ZNF346: variants seen among roughly 807,000 people sequenced by gnomAD.
The protein encoded by ZNF346 is zinc finger protein 346.
A neutral mutation model predicts 33.7 loss-of-function variants in ZNF346; 23 were observed. The observed-to-expected ratio is 0.68, with a 90% CI of 0.49 to 0.97. The LOEUF (loss-of-function observed/expected upper bound fraction) is 0.97, where lower values mean the gene tolerates loss of function less well. Among genes scored for constraint, ZNF346 ranks in the 50% least tolerant of loss-of-function variants. ZNF346 has a pLI of 0.00. For missense variants in ZNF346, 340 were observed against 371.1 expected (o/e 0.92, Z 0.69); for synonymous variants, 134 against 142.4 (o/e 0.94, Z 0.42).
chr5:177,048,856 G>A (rs890830340), intron 4 of ZNF346, among the ~76,000 whole-genome samples: 1 of 147,366 alleles, frequency 6.8e-6, no homozygotes, highest in Non-Finnish European at 1.5e-5. Context: ...CGCAATCTCA[G>A]CTTACTGCAG....
chr5:177,024,452 C>T (rs755970969), intron 1 of ZNF346, among the ~76,000 whole-genome samples: 25 of 152,114 alleles, frequency 1.6e-4, no homozygotes, highest in Non-Finnish European at 4.4e-5. Context: ...CCCGCCTTGA[C>T]CTCCCAAAGT....
At position 177,064,683 on chromosome 5, in the gene ZNF346, G is replaced by C; in HGVS notation, c.*84G>C. The C allele has an allele frequency of 8.8e-7, 1 of 1,130,272 alleles. No individual in the cohort carries two copies. Among genetic ancestry groups the C allele is most frequent in the South Asian group, 1.3e-5 (1 of 79,816 alleles). The allele number at this position is 1,130,272 out of a possible 1,614,324, so 70.0% of individuals were successfully genotyped here. ...CTCAGCCCTTGGCTCCCTCTTGCTC[G>C]TTGTTCTCACCAGGAAAGTACACGG... On this transcript the variant is annotated 3_prime_UTR_variant, in exon 7 of 7. Coordinates refer to ENST00000358149, the MANE Select transcript of ZNF346 (RefSeq NM_012279.4).
intron 4 of ZNF346, among the ~76,000 whole-genome samples, chr5:177,048,671 A>G (rs1382710125): frequency 6.6e-6 from 1 of 150,994 alleles, no homozygotes; most frequent in Non-Finnish European, 1.5e-5. Flanking sequence ...AACACACTCT[A>G]CTCTCTGTGC....
At chr5:177,076,711 A>G (rs1033436796) in intron 8 of ZNF346, among the ~76,000 whole-genome samples, 9 of 152,090 alleles carry the variant, frequency 5.9e-5, no homozygotes, top group African/African-American at 1.9e-4. Flanking sequence ...GACTATCTCA[A>G]TGGTCCTGAA....
In ZNF346 at chr5:177,041,115, C is replaced by T. The variant is rs1397018811; in HGVS notation, c.176-11C>T. On this transcript the variant is annotated splice_polypyrimidine_tract_variant and intron_variant, in intron 1 of 6. Coordinates refer to ENST00000358149, the MANE Select transcript of ZNF346 (RefSeq NM_012279.4). ...TGTCAACTCAATGATTTCTTGTTTT[C>T]CCCTCTATAGTGGAGCACATGATCC... 1.2e-6 allele frequency: 2 copies of T among 1,605,244 alleles called. No homozygotes were observed. Among genetic ancestry groups the T allele is most frequent in the Non-Finnish European group, 1.7e-6 (2 of 1,172,208 alleles).
intron 5 of ZNF346, among the ~76,000 whole-genome samples, chr5:177,052,095 G>A (rs1781008809): frequency 6.6e-6 from 1 of 152,030 alleles, no homozygotes; most frequent in Non-Finnish European, 1.5e-5. Context: ...AGCCCAGGAG[G>A]TCAAGGCTAA....
In ZNF346 at chr5:177,022,778, G is replaced by C; in HGVS notation, c.40G>C (p.Gly14Arg). 2 of 1,552,826 alleles carry C rather than the reference G, an allele frequency of 1.3e-6. No homozygotes were observed. The highest frequency in any genetic ancestry group is 1.7e-6 in the Non-Finnish European group (2 of 1,151,350). Reference sequence around the variant, plus strand: ...GCCGGCCACGGTGCAGGCCGCGGACGGCGGAGCGGCCGGGCCTTACAGCAG... The same window carrying C: ...GCCGGCCACGGTGCAGGCCGCGGACCGCGGAGCGGCCGGGCCTTACAGCAG... ...PAPATVQAADGGAAGPYSSSE... is the reference protein window; with the variant it reads ...PAPATVQAADRGAAGPYSSSE... The change falls in exon 1 of 7, where the codon GGC becomes CGC. Residue 14 changes from glycine (G) to arginine (R), a missense_variant. Physicochemically the swap from Gly to Arg is moderately radical, Grantham distance 125. Coordinates refer to ENST00000358149, the MANE Select transcript of ZNF346 (RefSeq NM_012279.4).
chr5:177,068,927 A>C (rs1254858479), downstream of ZNF346, among the ~76,000 whole-genome samples: 9 of 143,200 alleles, frequency 6.3e-5, no homozygotes, highest in Non-Finnish European at 1.2e-4. Context: ...CCTCACTTAC[A>C]TGTATACATT....
intron 1 of ZNF346, among the ~76,000 whole-genome samples, chr5:177,035,614 A>G (rs2149607099): frequency 7.0e-6 from 1 of 143,546 alleles, no homozygotes; most frequent in African/African-American, 2.6e-5. Context: ...GTGCCTTACC[A>G]TCACACCCGG....
chr5:177,071,971 GTTC>G (rs1783529041), downstream of ZNF346, among the ~76,000 whole-genome samples: 1 of 152,180 alleles, frequency 6.6e-6, no homozygotes, highest in African/African-American at 2.4e-5. Context: ...TCAGAACGCA[GTTC>G]TGTAAATGTT....
In ZNF346 at chr5:177,041,116, C is replaced by T. The variant is rs1411569480; in HGVS notation, c.176-10C>T. On this transcript the variant is annotated splice_polypyrimidine_tract_variant and intron_variant, in intron 1 of 6. Coordinates refer to ENST00000358149, the MANE Select transcript of ZNF346 (RefSeq NM_012279.4). ...GTCAACTCAATGATTTCTTGTTTTC[C>T]CCTCTATAGTGGAGCACATGATCCA... 1.9e-6 allele frequency: 3 copies of T among 1,605,694 alleles called. No individual in the cohort carries two copies. The highest frequency in any genetic ancestry group is 3.3e-5 in the Admixed American group (2 of 59,818).
At position 177,044,699 on chromosome 5, in the gene ZNF346, A is replaced by G. The variant is rs1213338568; in HGVS notation, c.517+166A>G. Among the ~76,000 whole-genome samples the G allele has an allele frequency of 4.6e-5, 7 of 152,164 alleles. No homozygotes were observed. In the East Asian group the frequency reaches 9.6e-4, roughly 21 times the overall value. ...GTAGACCCAGCTTCACTGAAATGCA[A>G]TCTCAGAATTATGCTCACCTAACCT... On this transcript the variant is annotated intron_variant, in intron 4 of 6. Coordinates refer to ENST00000358149, the MANE Select transcript of ZNF346 (RefSeq NM_012279.4).
Position 177,067,615 on chromosome 5 carries a change from C to G in ZNF346, c.*3016C>G, listed in dbSNP as rs1252910780. ...AGTCCCTACCAGCTGTGTGGCCAGC[C>G]CTGTTGGTAAAGGGACCTAGAGATG... On this transcript the variant is annotated 3_prime_UTR_variant, in exon 7 of 7. Coordinates refer to ENST00000358149, the MANE Select transcript of ZNF346 (RefSeq NM_012279.4). Among the ~76,000 whole-genome samples the G allele has an allele frequency of 6.6e-6, 1 of 152,170 alleles. No homozygotes were observed. Among genetic ancestry groups the G allele is most frequent in the African/African-American group, 2.4e-5 (1 of 41,430 alleles).
chr5:177,066,445 T>A lies in ZNF346; in HGVS notation c.*1846T>A, dbSNP rs1268086244. Among the ~76,000 whole-genome samples, 1 of 152,052 alleles carries A rather than the reference T, an allele frequency of 6.6e-6. No individual in the cohort carries two copies. The highest frequency in any genetic ancestry group is 1.5e-5 in the Non-Finnish European group (1 of 68,014). On this transcript the variant is annotated 3_prime_UTR_variant, in exon 7 of 7. Coordinates refer to ENST00000358149, the MANE Select transcript of ZNF346 (RefSeq NM_012279.4). ...CATGAATTTTTATTGAATGAACAAA[T>A]GAGGTGTATGAGGAGAGATGGTTTT...
chr5:177,041,244 T>A lies in ZNF346; in HGVS notation c.279+15T>A, dbSNP rs904496640. The A allele has an allele frequency of 6.2e-7, 1 of 1,601,344 alleles. No individual in the cohort carries two copies. On this transcript the variant is annotated intron_variant, in intron 2 of 6. Transcript: ENST00000358149. ...CACATTACCAGGTATGCCATCATAC[T>A]TTTAGAACTGCGTTTCTTTTCAGAC...
chr5:177,037,427 A>G (rs73804302), intron 1 of ZNF346, among the ~76,000 whole-genome samples: 40 of 152,278 alleles, frequency 2.6e-4, no homozygotes, highest in African/African-American at 8.4e-4. Flanking sequence ...CTCCACCTAT[A>G]TATCTGATAG....
chr5:177,032,918 A>G (rs1011189227), intron 1 of ZNF346, among the ~76,000 whole-genome samples: 1 of 152,328 alleles, frequency 6.6e-6, no homozygotes, highest in Admixed American at 6.5e-5. Context: ...ACAAAAACAC[A>G]GTATGGACTC....
Position 177,050,877 on chromosome 5 carries a change from A to C in ZNF346, c.644A>C (p.Lys215Thr). ...AAGAAACACAGAAAACAGGAGACCA[A>C]GCTCAAACTAATGGCACGCTATGGG... is the stretch of plus-strand genomic sequence containing the variant. ...VGKKHRKQET[K>T]LKLMARYGRL... Residue 215 changes from lysine (K) to threonine (T), a missense_variant, in exon 5 of 7, where the codon AAG becomes ACG. By Grantham distance (78) the Lys-to-Thr change is moderately conservative. Coordinates refer to ENST00000358149, the MANE Select transcript of ZNF346 (RefSeq NM_012279.4). 1 of 1,614,210 alleles carries C rather than the reference A, an allele frequency of 6.2e-7. No individual in the cohort carries two copies. The highest frequency in any genetic ancestry group is 8.5e-7 in the Non-Finnish European group (1 of 1,180,046).
chr5:177,048,784 TTTC>T (rs1780454462), intron 4 of ZNF346, among the ~76,000 whole-genome samples: 2 of 145,940 alleles, frequency 1.4e-5, no homozygotes, highest in African/African-American at 5.6e-5. Context: ...TTTCTTTTTT[TTTC>T]TTTTTTTTTT....
Sources: allele counts gnomAD v4.1 joint callset (sites outside exome capture counted in the v4.1 genomes callset), GRCh38; gene constraint gnomAD v4.1.1; transcripts MANE v1.5; gene names NCBI Gene and HGNC (gene_info 2026-07-23, HGNC 2026-07-21).